The following TYW1 variants were observed in gnomAD, a reference collection of about 807,000 sequenced individuals.
TYW1 encodes the protein tRNA-yW synthesizing protein 1 homolog.
Under a neutral mutation model 96.2 loss-of-function variants are expected in TYW1, and 46 were observed. The observed-to-expected ratio is 0.48, with a 90% CI of 0.38 to 0.61. The LOEUF (loss-of-function observed/expected upper bound fraction) is 0.61, where lower values mean the gene tolerates loss of function less well. TYW1 is among the 20% of genes least tolerant of loss of function. The probability of loss-of-function intolerance (pLI) is 0.00; values close to 1 mark genes in which losing one functional copy is unlikely to be tolerated. For synonymous variants in TYW1, 274 were observed against 323.0 expected (o/e 0.85, Z 1.63); for missense variants, 684 against 909.6 (o/e 0.75, Z 3.19).
chr7:67,085,795 C>T (rs1292061307), intron 11 of TYW1, among the ~76,000 whole-genome samples: 1 of 151,850 alleles, frequency 6.6e-6, no homozygotes, highest in Admixed American at 6.6e-5. Context: ...ATGGTGAAAC[C>T]CCATCTCTAC....
chr7:67,056,266 C>T (rs1299417505), intron 9 of TYW1, among the ~76,000 whole-genome samples: 3 of 152,014 alleles, frequency 2.0e-5, no homozygotes, highest in South Asian at 2.1e-4. Context: ...GCCAGGTGGG[C>T]GGATCATTTG....
At chr7:67,051,732 G>T (rs202099483) in intron 8 of TYW1, among the ~76,000 whole-genome samples, 1,655 of 123,558 alleles carry the variant, frequency 0.013, 10 homozygotes, top group Middle Eastern at 0.033. Context: ...TTGTTTTTTT[G>T]TTTTTTTTTT....
chr7:67,176,071 G>C (rs1408007326), intron 13 of TYW1, among the ~76,000 whole-genome samples: 1 of 152,176 alleles, frequency 6.6e-6, no homozygotes, highest in East Asian at 1.9e-4. Context: ...TACACAGTCA[G>C]CTTACAAAAA....
intron 11 of TYW1, among the ~76,000 whole-genome samples, chr7:67,084,549 C>T (rs1307865177): frequency 6.0e-5 from 9 of 149,748 alleles, no homozygotes; most frequent in African/African-American, 2.0e-4. Context: ...GACCAGATCT[C>T]GCTCTGTCAC....
chr7:67,052,108 T>C (rs1795378935), intron 8 of TYW1, among the ~76,000 whole-genome samples: 1 of 152,146 alleles, frequency 6.6e-6, no homozygotes, highest in South Asian at 2.1e-4. Flanking sequence ...TTGAGCAATT[T>C]AATTATAATG....
chr7:67,183,240 A>G lies in TYW1; in HGVS notation c.1809+4A>G. 1 of 1,596,960 alleles carries G rather than the reference A, an allele frequency of 6.3e-7. No homozygotes were observed. Among genetic ancestry groups the G allele is most frequent in the Non-Finnish European group, 8.5e-7 (1 of 1,171,408 alleles). On this transcript the variant is annotated splice_donor_region_variant and intron_variant, in intron 14 of 15. Coordinates refer to ENST00000359626, the MANE Select transcript of TYW1 (RefSeq NM_018264.4). ...TCCTGACTTCATCGAAGTGAAGGTA[A>G]GCCCCTGCTGACTCTGGTGGCTGTG...
chr7:67,105,982 C>G (rs906449535), intron 12 of TYW1, among the ~76,000 whole-genome samples: 5 of 150,380 alleles, frequency 3.3e-5, no homozygotes, highest in Non-Finnish European at 5.9e-5. Context: ...ACCACAACCT[C>G]CACTTCCCGG....
chr7:67,184,340 A>G (rs1031316615), intron 14 of TYW1, among the ~76,000 whole-genome samples: 1 of 152,140 alleles, frequency 6.6e-6, no homozygotes, highest in Admixed American at 6.5e-5. Context: ...GCCTACAGTT[A>G]GATCAAGAGA....
intron 13 of TYW1, among the ~76,000 whole-genome samples, chr7:67,145,910 A>G (rs775525664): frequency 7.2e-5 from 11 of 151,964 alleles, no homozygotes; most frequent in Non-Finnish European, 1.5e-4. Context: ...GCGTGCCACC[A>G]TGCTCAGCTA....
intron 10 of TYW1, among the ~76,000 whole-genome samples, chr7:67,082,758 A>G (rs1796426662): frequency 6.6e-6 from 1 of 151,870 alleles, no homozygotes; most frequent in Admixed American, 6.6e-5. Flanking sequence ...TTTTTGGACT[A>G]CAAGGTTCTG....
intron 13 of TYW1, among the ~76,000 whole-genome samples, chr7:67,146,376 T>C (rs1798611114): frequency 6.6e-6 from 1 of 151,780 alleles, no homozygotes; most frequent in Admixed American, 6.6e-5. Context: ...TCAACAAATA[T>C]TTATTGAGTG....
At chr7:67,161,459 G>C (rs1321070870) in intron 13 of TYW1, among the ~76,000 whole-genome samples, 4 of 152,100 alleles carry the variant, frequency 2.6e-5, no homozygotes, top group African/African-American at 9.7e-5. Flanking sequence ...AGATTACCAC[G>C]TATCTTTTGG....
chr7:67,096,667 T>G (rs1219859488), intron 11 of TYW1, among the ~76,000 whole-genome samples: 1 of 151,890 alleles, frequency 6.6e-6, no homozygotes, highest in Admixed American at 6.6e-5. Flanking sequence ...TTGTACAGAT[T>G]ATTTCATCAC....
chr7:67,208,621 C>A (rs577108574), intron 15 of TYW1, among the ~76,000 whole-genome samples: 1 of 140,202 alleles, frequency 7.1e-6, no homozygotes, highest in African/African-American at 2.7e-5. Flanking sequence ...ACCCGTGAGG[C>A]GGAGGTTGCA....
intron 15 of TYW1, among the ~76,000 whole-genome samples, chr7:67,229,834 T>C (rs1426141700): frequency 2.0e-5 from 3 of 152,112 alleles, no homozygotes; most frequent in Non-Finnish European, 4.4e-5. Context: ...TGCACTGTAG[T>C]CCCAGCTCTT....
At chr7:67,238,284 C>T (rs752968366) in intron 15 of TYW1, 24 bp from the exon 16 acceptor site, 2 of 1,590,234 alleles carry the variant, frequency 1.3e-6, no homozygotes, top group South Asian at 2.3e-5. Flanking sequence ...TTACTTCTGA[C>T]TTGACACATT....
intron 13 of TYW1, among the ~76,000 whole-genome samples, chr7:67,165,225 T>G (rs1177312122): frequency 6.6e-6 from 1 of 152,234 alleles, no homozygotes; most frequent in Non-Finnish European, 1.5e-5. Context: ...AGTACCATAT[T>G]TTAGGAGACC....
At position 66,998,747 on chromosome 7, in the gene TYW1, A is replaced by AT. The variant is rs879054220; in HGVS notation, c.136-66dup. ...ATAAAATGTGTCAGTATCTGTGCTAATTTTCATCCCTGCTGAAGTTGGGAA... is the reference window on the plus strand; with the variant it reads ...ATAAAATGTGTCAGTATCTGTGCTAATTTTTCATCCCTGCTGAAGTTGGGAA... On this transcript the variant is annotated intron_variant, in intron 2 of 15. Transcript: ENST00000359626. The AT allele has an allele frequency of 2.8e-5, 43 of 1,561,778 alleles. 1 individual carries two copies. In the South Asian group the frequency reaches 4.7e-4, roughly 17 times the overall value.
intron 13 of TYW1, among the ~76,000 whole-genome samples, chr7:67,172,954 T>C (rs936442672): frequency 1.4e-5 from 2 of 138,736 alleles, no homozygotes; most frequent in Non-Finnish European, 3.1e-5. Flanking sequence ...ACCCTGTCTC[T>C]ACAAAAAGTA....
Sources: allele counts gnomAD v4.1 joint callset (sites outside exome capture counted in the v4.1 genomes callset), GRCh38; gene constraint gnomAD v4.1.1; transcripts MANE v1.5; gene names NCBI Gene and HGNC (gene_info 2026-07-23, HGNC 2026-07-21).